Variants in ADAMTSL1 observed in about 807,000 individuals in gnomAD.
ADAMTSL1 encodes the protein ADAMTS-like protein 1.
ADAMTSL1 carries 126 observed loss-of-function variants against 201.8 expected under a neutral mutation model. That is an observed-to-expected ratio of 0.62 (90% CI 0.54 to 0.72). ADAMTSL1 has a LOEUF of 0.72. Among genes scored for constraint, ADAMTSL1 ranks in the 30% least tolerant of loss-of-function variants. The probability of loss-of-function intolerance (pLI) is 0.00; values close to 1 mark genes in which losing one functional copy is unlikely to be tolerated. For synonymous variants in ADAMTSL1, 1,121 were observed against 903.4 expected, an observed-to-expected ratio of 1.24 and a Z score of -4.32; for missense variants, 2,679 against 2,277.8, an observed-to-expected ratio of 1.18 and a Z score of -3.59.
intron 2 of ADAMTSL1, among the ~76,000 whole-genome samples, chr9:18,229,991 C>T (rs930554347): frequency 6.6e-6 from 1 of 152,152 alleles, no homozygotes; most frequent in Non-Finnish European, 1.5e-5. Flanking sequence ...GCCACCGCAC[C>T]CAGCCATTTA....
intron 2 of ADAMTSL1, among the ~76,000 whole-genome samples, chr9:18,250,484 T>C (rs1831420245): frequency 6.6e-6 from 1 of 152,088 alleles, no homozygotes; most frequent in South Asian, 2.1e-4. Context: ...ACCTAAAGAA[T>C]GGAAACAGAA....
intron 2 of ADAMTSL1, among the ~76,000 whole-genome samples, chr9:18,211,800 A>G (rs1174927704): frequency 6.6e-6 from 1 of 152,186 alleles, no homozygotes; most frequent in Non-Finnish European, 1.5e-5. Flanking sequence ...ATTGCTTCAA[A>G]TGTTCCATTG....
At chr9:18,751,504 C>T (rs1819466883) in intron 15 of ADAMTSL1, among the ~76,000 whole-genome samples, 1 of 152,120 alleles carries the variant, frequency 6.6e-6, no homozygotes, top group Non-Finnish European at 1.5e-5. Context: ...GTTCTGGAGG[C>T]AATTAAATGA....
At chr9:18,283,994 G>GCC (rs1236858068) in intron 2 of ADAMTSL1, among the ~76,000 whole-genome samples, 2 of 149,198 alleles carry the variant, frequency 1.3e-5, no homozygotes, top group Non-Finnish European at 3.0e-5. Context: ...ACTTTGGGAG[G>GCC]CCGAGGAGGG....
intron 2 of ADAMTSL1, among the ~76,000 whole-genome samples, chr9:18,220,327 C>CATG (rs1830208971): frequency 6.6e-6 from 1 of 152,114 alleles, no homozygotes; most frequent in African/African-American, 2.4e-5. Context: ...TTGATAAAAA[C>CATG]ATGATAGATA....
At position 18,314,904 on chromosome 9, in the gene ADAMTSL1, C is replaced by G. The variant is rs566213262; in HGVS notation, c.207+150923C>G. 1.9e-3 allele frequency among the ~76,000 whole-genome samples: 271 copies of G among 145,528 alleles called. 3 individuals carry two copies. The highest frequency in any genetic ancestry group is 7.1e-3 in the Middle Eastern group (2 of 280). On this transcript the variant is annotated intron_variant, in intron 2 of 29. Coordinates refer to the ADAMTSL1 transcript ENST00000680146. ...CTCCGCCTCCCGGGTTCACGCCATT[C>G]TCCTGCCTCAGCCTCCCGAGTAGCT...
intron 1 of ADAMTSL1, among the ~76,000 whole-genome samples, chr9:17,913,202 C>G (rs957694112): frequency 5.9e-5 from 9 of 152,042 alleles, no homozygotes; most frequent in South Asian, 2.1e-4. Flanking sequence ...TCCATATGAA[C>G]TTTAAAGTAG....
intron 2 of ADAMTSL1, among the ~76,000 whole-genome samples, chr9:18,255,226 T>C (rs934918196): frequency 1.3e-5 from 2 of 152,164 alleles, no homozygotes; most frequent in Non-Finnish European, 2.9e-5. Context: ...TGCACATTCG[T>C]AGGCTGTAAC....
At chr9:18,194,807 G>C (rs1160512251) in intron 2 of ADAMTSL1, among the ~76,000 whole-genome samples, 1 of 151,926 alleles carries the variant, frequency 6.6e-6, no homozygotes, top group Non-Finnish European at 1.5e-5. Flanking sequence ...TAGACTTTCT[G>C]TACACCCACA....
intron 25 of ADAMTSL1, among the ~76,000 whole-genome samples, chr9:18,890,290 C>G (rs953349776): frequency 1.3e-5 from 2 of 152,174 alleles, no homozygotes; most frequent in Non-Finnish European, 2.9e-5. Context: ...TAGCCTCATG[C>G]TCTGCATTTG....
chr9:18,297,123 A>G (rs753533993), intron 2 of ADAMTSL1, among the ~76,000 whole-genome samples: 3 of 152,070 alleles, frequency 2.0e-5, no homozygotes, highest in African/African-American at 7.2e-5. Flanking sequence ...CAGGGTCACG[A>G]TTTTCCCACA....
chr9:18,782,466 A>T (rs1306139181), intron 19 of ADAMTSL1, among the ~76,000 whole-genome samples: 1 of 152,214 alleles, frequency 6.6e-6, no homozygotes, highest in African/African-American at 2.4e-5. Flanking sequence ...CTATTTAGAT[A>T]ATTTTATTCT....
intron 1 of ADAMTSL1, among the ~76,000 whole-genome samples, chr9:18,091,091 G>T (rs1436099255): frequency 6.6e-6 from 1 of 151,862 alleles, no homozygotes; most frequent in Non-Finnish European, 1.5e-5. Flanking sequence ...GTGTGTGTGT[G>T]TGTGTACCTA....
At chr9:18,404,299 C>G (rs1375920876) in intron 2 of ADAMTSL1, among the ~76,000 whole-genome samples, 7 of 152,278 alleles carry the variant, frequency 4.6e-5, no homozygotes, top group African/African-American at 1.7e-4. Context: ...ACTTTAAGGC[C>G]TTCTTCATGA....
chr9:18,649,988 T>C lies in ADAMTSL1; in HGVS notation c.835-7651T>C, dbSNP rs537660914. 9.9e-4 allele frequency among the ~76,000 whole-genome samples: 151 copies of C among 152,306 alleles called. 1 individual carries two copies. The highest frequency in any genetic ancestry group is 3.4e-3 in the African/African-American group (141 of 41,582). On this transcript the variant is annotated intron_variant, in intron 7 of 28. Transcript: ENST00000380548. ...CTTTTTGTTTGTCTGTGCCCTGCCA[T>C]CAGAGGTGGAGCCTACAGAGGCAGG...
intron 1 of ADAMTSL1, among the ~76,000 whole-genome samples, chr9:18,059,948 T>C (rs915327501): frequency 2.0e-5 from 3 of 152,210 alleles, no homozygotes; most frequent in South Asian, 4.1e-4. Context: ...ACTTCAATTT[T>C]ATTTGTACTT....
chr9:18,033,295 T>G lies in ADAMTSL1; in HGVS notation c.87+126373T>G, dbSNP rs973884915. On this transcript the variant is annotated intron_variant, in intron 1 of 29. Coordinates refer to the ADAMTSL1 transcript ENST00000680146. ...TAAGTCTGTCATCTAATGGGTGTAT[T>G]AATTAGCTTGAGTCACTCATTCCAC... 2.0e-5 allele frequency among the ~76,000 whole-genome samples: 3 copies of G among 152,220 alleles called. No individual in the cohort carries two copies. The South Asian group carries it at 6.2e-4, about 32-fold the overall frequency.
chr9:18,689,920 A>T (rs1022450773), intron 13 of ADAMTSL1, among the ~76,000 whole-genome samples: 3 of 152,180 alleles, frequency 2.0e-5, no homozygotes, highest in Non-Finnish European at 4.4e-5. Flanking sequence ...TGGTTAGGAG[A>T]CTATGTTTGT....
chr9:18,547,631 TATAA>T (rs1176744259), intron 3 of ADAMTSL1, among the ~76,000 whole-genome samples: 1 of 83,292 alleles, frequency 1.2e-5, no homozygotes, highest in Non-Finnish European at 2.4e-5. Flanking sequence ...TGTATATATA[TATAA>T]AAAAAAAAAA....
Sources: gnomAD v4.1 joint callset for allele counts (sites outside exome capture counted in the v4.1 genomes callset) on GRCh38, gnomAD v4.1.1 for gene constraint, MANE v1.5 for transcripts, NCBI Gene and HGNC (gene_info 2026-07-23, HGNC 2026-07-21) for gene names.